DENND1B: variants seen among roughly 807,000 people sequenced by gnomAD.
DENND1B encodes DENN domain-containing protein 1B.
DENND1B carries 59 observed loss-of-function variants against 90.1 expected under a neutral mutation model. The ratio of observed to expected loss-of-function variants is 0.65; its 90% CI spans 0.53 to 0.81. The LOEUF is 0.81. DENND1B is among the 40% of genes least tolerant of loss of function. DENND1B has a pLI of 0.00. For synonymous variants in DENND1B, 337 were observed against 324.6 expected (o/e 1.04, Z -0.41); for missense variants, 862 against 912.6 (o/e 0.94, Z 0.71).
chr1:197,667,233 G>A (rs567106328), intron 5 of DENND1B, among the ~76,000 whole-genome samples: 53 of 152,098 alleles, frequency 3.5e-4, no homozygotes, highest in African/African-American at 1.4e-4. Context: ...TTAATTTTAG[G>A]TGTCATAGAA....
At chr1:197,628,657 A>C (rs1263454256) in intron 10 of DENND1B, among the ~76,000 whole-genome samples, 1 of 152,206 alleles carries the variant, frequency 6.6e-6, no homozygotes, top group Non-Finnish European at 1.5e-5. Flanking sequence ...AATGGCAACA[A>C]AAGCCAAAAT....
chr1:197,588,844 T>C (rs1674936879), intron 14 of DENND1B, among the ~76,000 whole-genome samples: 1 of 152,154 alleles, frequency 6.6e-6, no homozygotes, highest in Non-Finnish European at 1.5e-5. Context: ...GCACTTTAGC[T>C]AGAAGTCAAT....
intron 20 of DENND1B, among the ~76,000 whole-genome samples, chr1:197,521,290 G>A (rs1413024454): frequency 2.0e-5 from 3 of 151,882 alleles, no homozygotes; most frequent in Non-Finnish European, 4.4e-5. Flanking sequence ...TCACTCCCCT[G>A]ATGCACCAAG....
intron 18 of DENND1B, among the ~76,000 whole-genome samples, chr1:197,542,914 C>CTTTT (rs998950224): frequency 8.1e-6 from 1 of 123,440 alleles, no homozygotes; most frequent in Non-Finnish European, 1.7e-5. Context: ...GAGTAGAAAC[C>CTTTT]TTTTTTATTT....
At chr1:197,779,139 T>C (rs1423357040), upstream of DENND1B, among the ~76,000 whole-genome samples, 1 of 152,222 alleles carries the variant, frequency 6.6e-6, no homozygotes, top group Non-Finnish European at 1.5e-5. Flanking sequence ...CTTTCCCTTT[T>C]TGTTTGAGTT....
chr1:197,746,446 G>A (rs1039611863), intron 2 of DENND1B, among the ~76,000 whole-genome samples: 9 of 151,938 alleles, frequency 5.9e-5, no homozygotes, highest in African/African-American at 1.2e-4. Flanking sequence ...CCAAATGAAC[G>A]AAAAACAGCA....
intron 14 of DENND1B, among the ~76,000 whole-genome samples, chr1:197,590,118 T>C (rs1002205370): frequency 6.6e-6 from 1 of 152,188 alleles, no homozygotes; most frequent in Non-Finnish European, 1.5e-5. Flanking sequence ...TCTGGAAAGA[T>C]GCTTTGTTTG....
intron 15 of DENND1B, among the ~76,000 whole-genome samples, chr1:197,577,118 G>A (rs1673751231): frequency 6.6e-6 from 1 of 151,526 alleles, no homozygotes; most frequent in Non-Finnish European, 1.5e-5. Flanking sequence ...TGAGGGGGAG[G>A]GACACTCAGG....
intron 10 of DENND1B, among the ~76,000 whole-genome samples, chr1:197,632,849 G>A (rs1479717981): frequency 6.8e-6 from 1 of 147,128 alleles, no homozygotes; most frequent in Admixed American, 6.8e-5. Flanking sequence ...ACTGGCTTGA[G>A]TGATTGTTCT....
Position 197,755,723 on chromosome 1 carries a change from C to G in DENND1B, c.82+17145G>C, listed in dbSNP as rs1654194517. On this transcript the variant is annotated intron_variant, in intron 2 of 22. Transcript: ENST00000620048. ...TAACAGTTCCACATGGCTGGGGAGGCCTCACAACCACGGTGGAAGGCAAGG... is the reference window on the plus strand; with the variant it reads ...TAACAGTTCCACATGGCTGGGGAGGGCTCACAACCACGGTGGAAGGCAAGG... 2.0e-5 allele frequency among the ~76,000 whole-genome samples: 3 copies of G among 152,242 alleles called. No individual in the cohort carries two copies. In the South Asian group the frequency reaches 6.2e-4, roughly 32 times the overall value.
chr1:197,523,949 TA>T (rs1448047651), intron 20 of DENND1B, among the ~76,000 whole-genome samples: 1 of 13,220 alleles, frequency 7.6e-5, no homozygotes, highest in Non-Finnish European at 2.8e-3. Context: ...AAATGGAATC[TA>T]TTTTTTTTTT....
chr1:197,769,756 CAA>C (rs1227661327), intron 2 of DENND1B, among the ~76,000 whole-genome samples: 1 of 148,150 alleles, frequency 6.7e-6, no homozygotes, highest in Non-Finnish European at 1.5e-5. Context: ...TTAATGTTAG[CAA>C]AAAAAAAATT....
intron 5 of DENND1B, among the ~76,000 whole-genome samples, chr1:197,661,691 TAAC>T (rs1316834501): frequency 6.6e-5 from 10 of 152,082 alleles, no homozygotes; most frequent in Admixed American, 6.6e-4. Flanking sequence ...ACTATATACA[TAAC>T]AATAATTATG....
chr1:197,599,701 A>G (rs1442237989), intron 13 of DENND1B, among the ~76,000 whole-genome samples: 1 of 151,890 alleles, frequency 6.6e-6, no homozygotes, highest in Admixed American at 6.6e-5. Flanking sequence ...TTCTCTCTTA[A>G]TAATTTTCTA....
intron 2 of DENND1B, among the ~76,000 whole-genome samples, chr1:197,756,954 C>T (rs1654386046): frequency 6.6e-6 from 1 of 150,568 alleles, no homozygotes; most frequent in African/African-American, 2.4e-5. Context: ...CACTGATATA[C>T]TGTGACACTA....
chr1:197,742,136 T>C (rs1663271667), intron 2 of DENND1B, among the ~76,000 whole-genome samples: 1 of 152,208 alleles, frequency 6.6e-6, no homozygotes, highest in Admixed American at 6.5e-5. Context: ...AGCAATCTAA[T>C]TTCTTTAGTA....
In DENND1B at chr1:197,718,292, G is replaced by A. The variant is rs1055015782; in HGVS notation, c.83-3218C>T. Among the ~76,000 whole-genome samples the A allele has an allele frequency of 4.6e-5, 7 of 151,604 alleles. No individual in the cohort carries two copies. In the East Asian group the frequency reaches 5.8e-4, roughly 13 times the overall value. The stretch of plus-strand genomic sequence containing the variant: ...CCCTACAACATTCACAGAGAGAAAC[G>A]TCAAAGGGCAATTTCGTTTTTGTAC... On this transcript the variant is annotated intron_variant, in intron 2 of 22. Transcript: ENST00000620048.
chr1:197,766,614 G>C (rs1329341891), intron 2 of DENND1B, among the ~76,000 whole-genome samples: 1 of 152,042 alleles, frequency 6.6e-6, no homozygotes, highest in Non-Finnish European at 1.5e-5. Flanking sequence ...AGAGTTTGAG[G>C]ATGGGGTATT....
chr1:197,773,381 CAAAGGACTTGCAATATAAGTGT>C, intron 1 of DENND1B, among the ~76,000 whole-genome samples: 1 of 152,264 alleles, frequency 6.6e-6, no homozygotes, highest in Non-Finnish European at 1.5e-5. Context: ...AGGCTGTCTC[CAAAGGACTTGCAATATAAGTGT>C]AAATGATGAA....
Sources: gnomAD v4.1 joint callset for allele counts (sites outside exome capture counted in the v4.1 genomes callset) on GRCh38, gnomAD v4.1.1 for gene constraint, MANE v1.5 for transcripts, NCBI Gene and HGNC (gene_info 2026-07-23, HGNC 2026-07-21) for gene names.